Variants in ABCF1 observed in about 807,000 individuals in gnomAD.
ABCF1 encodes ATP binding cassette subfamily F member 1.
Under a neutral mutation model 126.3 loss-of-function variants are expected in ABCF1, and 73 were observed. The observed-to-expected ratio is 0.58, with a 90% confidence interval of 0.48 to 0.70. The LOEUF (loss-of-function observed/expected upper bound fraction) is 0.70, where lower values mean the gene tolerates loss of function less well. ABCF1 is among the 30% of genes least tolerant of loss of function. ABCF1 has a pLI of 0.00. For missense variants in ABCF1, 786 were observed against 1,057.5 expected, an observed-to-expected ratio of 0.74 and a Z score of 3.56; for synonymous variants, 345 against 396.4, an observed-to-expected ratio of 0.87 and a Z score of 1.54.
intron 6 of ABCF1, among the ~76,000 whole-genome samples, 183 bp from the exon 7 acceptor site, chr6:30,579,748 G>A (rs1801707630): frequency 6.6e-6 from 1 of 152,086 alleles, no homozygotes; most frequent in South Asian, 2.1e-4. Context: ...GAGCCACCAC[G>A]CCCGGCCAAG....
intron 7 of ABCF1, 33 bp from the exon 8 acceptor site, chr6:30,580,373 A>C (rs1428608260): frequency 1.4e-6 from 2 of 1,384,052 alleles, no homozygotes; most frequent in Non-Finnish European, 1.9e-6. Flanking sequence ...AAAAAAAAAA[A>C]ACATTTCATC....
In ABCF1 at chr6:30,585,269, C is replaced by T. The variant is rs777892705; in HGVS notation, c.1401C>T (p.Phe467=). The T allele has an allele frequency of 6.2e-7, 1 of 1,613,258 alleles. No homozygotes were observed. Among genetic ancestry groups the T allele is most frequent in the South Asian group, 1.1e-5 (1 of 91,066 alleles). ...GCTACCCACCCTCTAGGGCACTGTT[C>T]ATGGAGCCCACACTGCTGATGCTGG... is the stretch of plus-strand genomic sequence containing the variant. ...RMRVSLARAL[F]MEPTLLMLDE... Residue 467 remains phenylalanine (F), a synonymous_variant, in exon 15 of 25, where the codon TTC becomes TTT. Transcript: ENST00000326195.
Position 30,585,288 on chromosome 6 carries a change from A to T in ABCF1, c.1420A>T (p.Met474Leu), listed in dbSNP as rs776067726. 2.5e-6 allele frequency: 4 copies of T among 1,613,024 alleles called. No homozygotes were observed. The African/African-American group carries it at 5.3e-5, about 22-fold the overall frequency. ...ACTGTTCATGGAGCCCACACTGCTG[A>T]TGCTGGATGAGCCCACCAACCACCT... is the stretch of plus-strand genomic sequence containing the variant. ...RALFMEPTLL[M>L]LDEPTNHLDL... Residue 474 changes from methionine (M) to leucine (L), a missense_variant, in exon 15 of 25, where the codon ATG (methionine) becomes TTG (leucine). By Grantham distance (15) the Met-to-Leu change is conservative. Around this residue, in one of 4 missense-constraint regions of ABCF1, gnomAD observed 13 missense variants for 55.8 expected, o/e 0.23. Transcript: ENST00000326195.
rs1802422487 is a variant in ABCF1, at chr6:30,590,953, CAA to C, written c.*253_*254del. 4 of 442,944 alleles carry C rather than the reference CAA, an allele frequency of 9.0e-6. No homozygotes were observed. Among genetic ancestry groups the C allele is most frequent in the Non-Finnish European group, 1.6e-5 (4 of 253,820 alleles). The allele number at this position is 442,944 out of a possible 1,614,324, so 27.4% of individuals were successfully genotyped here. ...TATCCTTGGCATCCCCCTAAACAAA[CAA>C]GAGGTGACCACCTTATTGTGAGGTT... On this transcript the variant is annotated 3_prime_UTR_variant, in exon 25 of 25. Coordinates refer to ENST00000326195, the MANE Select transcript of ABCF1 (RefSeq NM_001025091.2).
chr6:30,584,331 G>T lies in ABCF1; in HGVS notation c.1242G>T (p.Lys414Asn). ...ACACAGCTGCTGAGAGGCTAGAGAA[G>T]GTAGAGGAGATGGCGCAGGGGACAC... ...GDDTAAERLE[K>N]VYEELRATGA... Residue 414 changes from lysine to asparagine, a missense_variant and splice_region_variant, in exon 13 of 25, where the codon AAG becomes AAT. By Grantham distance (94) the Lys-to-Asn change is moderately conservative. Around this residue, in one of 4 missense-constraint regions of ABCF1, gnomAD observed 163 missense variants for 255.3 expected, o/e 0.64. Coordinates refer to ENST00000326195, the MANE Select transcript of ABCF1 (RefSeq NM_001025091.2). This position sits in a 1 kb window ranked among gnomAD's most constrained non-coding sequence, Gnocchi z 4.6. 1 of 1,613,146 alleles carries T rather than the reference G, an allele frequency of 6.2e-7. No homozygotes were observed. Among genetic ancestry groups the T allele is most frequent in the Non-Finnish European group, 8.5e-7 (1 of 1,180,030 alleles).
At chr6:30,575,752 C>T (rs2127404430) in intron 1 of ABCF1, among the ~76,000 whole-genome samples, 1 of 152,108 alleles carries the variant, frequency 6.6e-6, no homozygotes, top group South Asian at 2.1e-4. Flanking sequence ...ACTCTATTTA[C>T]ATGGCCTATA....
rs1200261305 is a variant in ABCF1 at position 30,583,073 on chromosome 6, A to T, written c.800A>T (p.Tyr267Phe). The T allele has an allele frequency of 6.2e-7, 1 of 1,608,356 alleles. No individual in the cohort carries two copies. The highest frequency in any genetic ancestry group is 1.3e-5 in the African/African-American group (1 of 74,968). Reference protein sequence around the residue: ...EKKKLKKQMEYERQVASLKAA... With the variant: ...EKKKLKKQMEFERQVASLKAA... ...TTTTTCCTACCTTCTCAGATGGAGT[A>T]TGAGCGCCAAGTGGCTTCATTAAAA... Residue 267 changes from tyrosine (Y) to phenylalanine (F), a missense_variant, in exon 10 of 25, where the codon TAT becomes TTT. This residue lies in a region of ABCF1 where 322 missense variants were observed against 322.9 expected (regional missense o/e 1.00). Coordinates refer to ENST00000326195, the MANE Select transcript of ABCF1 (RefSeq NM_001025091.2). This position sits in a 1 kb window ranked among gnomAD's most constrained non-coding sequence, Gnocchi z 4.1.
At chr6:30,576,918 A>G (rs1014282252) in intron 1 of ABCF1, among the ~76,000 whole-genome samples, 2 of 152,182 alleles carry the variant, frequency 1.3e-5, no homozygotes, top group Non-Finnish European at 2.9e-5. Context: ...GCCTGTGCAC[A>G]GCACTGGAAT....
chr6:30,590,580 A>G lies in ABCF1; in HGVS notation c.2417A>G (p.Asn806Ser), dbSNP rs771536397. ...GATGCCCGACTCATCACAGAAACCA[A>G]TTGCCAGCTGTGGGTGGTGGAGGAG... Reference protein sequence around the residue: ...SHDARLITETNCQLWVVEEQS... With the variant: ...SHDARLITETSCQLWVVEEQS... Residue 806 changes from asparagine to serine, a missense_variant, in exon 25 of 25, where the codon AAT becomes AGT. Transcript: ENST00000326195. 4.3e-6 allele frequency: 7 copies of G among 1,612,902 alleles called. No homozygotes were observed. The highest frequency in any genetic ancestry group is 4.5e-5 in the East Asian group (2 of 44,876).
At chr6:30,585,118 C>T (rs772237295) in intron 14 of ABCF1, 142 bp from the exon 15 acceptor site, 28 of 757,470 alleles carry the variant, frequency 3.7e-5, no homozygotes, top group South Asian at 2.5e-4. Flanking sequence ...AAAATTAAAC[C>T]GTATCCTGCC....
Position 30,572,163 on chromosome 6 carries a change from CATG to C in ABCF1, c.73+605_73+607del, listed in dbSNP as rs992001268. Among the ~76,000 whole-genome samples, 177 of 151,696 alleles carry C rather than the reference CATG, an allele frequency of 1.2e-3. 1 individual carries two copies. The highest frequency in any genetic ancestry group is 8.6e-3 in the Admixed American group (132 of 15,268). On this transcript the variant is annotated intron_variant, in intron 1 of 24. Coordinates refer to ENST00000326195, the MANE Select transcript of ABCF1 (RefSeq NM_001025091.2). The stretch of plus-strand genomic sequence containing the variant: ...TGCTTTGAGAGGGGAAGGAAAAAAA[CATG>C]AAGATATCCTCCCAGGGTTGAAGTC...
intron 16 of ABCF1, 28 bp downstream of exon 16, chr6:30,585,710 G>T (rs1802082365): frequency 6.2e-7 from 1 of 1,610,792 alleles, no homozygotes; most frequent in Non-Finnish European, 8.5e-7. Context: ...TGGATGCAGG[G>T]AAGAGATAGA....
intron 1 of ABCF1, among the ~76,000 whole-genome samples, chr6:30,573,946 G>A (rs1409061659): frequency 2.0e-5 from 3 of 152,158 alleles, no homozygotes; most frequent in African/African-American, 7.2e-5. Flanking sequence ...GGTAAAGAAG[G>A]CTTGCTTTCT....
Position 30,584,323 on chromosome 6 carries a change from C to A in ABCF1, c.1234C>A (p.Leu412Ile). 1 of 1,613,096 alleles carries A rather than the reference C, an allele frequency of 6.2e-7. No homozygotes were observed. The highest frequency in any genetic ancestry group is 8.5e-7 in the Non-Finnish European group (1 of 1,180,014). Residue 412 changes from leucine to isoleucine, a missense_variant, in exon 13 of 25, where the codon CTA (leucine) becomes ATA (isoleucine). Leu to Ile is a conservative substitution (Grantham distance 5). Coordinates refer to ENST00000326195, the MANE Select transcript of ABCF1 (RefSeq NM_001025091.2). The surrounding 1 kb of genome is among the most constrained non-coding windows in gnomAD (Gnocchi z 4.6). ...EQGDDTAAERLEKVYEELRAT... is the reference protein window; with the variant it reads ...EQGDDTAAERIEKVYEELRAT... ...AGGGGATGACACAGCTGCTGAGAGG[C>A]TAGAGAAGGTAGAGGAGATGGCGCA...
intron 6 of ABCF1, among the ~76,000 whole-genome samples, chr6:30,579,213 C>G (rs1801674460): frequency 6.6e-6 from 1 of 152,128 alleles, no homozygotes; most frequent in Non-Finnish European, 1.5e-5. Flanking sequence ...ACTTGCCTGA[C>G]TTATAATCCT....
rs1275859172 is a variant in ABCF1 at position 30,583,393 on chromosome 6, G to A, written c.915+205G>A. Among the ~76,000 whole-genome samples the A allele has an allele frequency of 6.6e-6, 1 of 152,226 alleles. No individual in the cohort carries two copies. Among genetic ancestry groups the A allele is most frequent in the African/African-American group, 2.4e-5 (1 of 41,450 alleles). ...GGGTCCACCCTTGGCAGAAAATAGT[G>A]TGGGACAGACTAGACTAGCTGAGGA... is the stretch of plus-strand genomic sequence containing the variant. On this transcript the variant is annotated intron_variant, in intron 10 of 24. Transcript: ENST00000326195. The surrounding 1 kb of genome is among the most constrained non-coding windows in gnomAD (Gnocchi z 4.1).
chr6:30,582,055 TTTTTGTTG>T (rs1202508179), intron 8 of ABCF1, among the ~76,000 whole-genome samples: 7 of 151,064 alleles, frequency 4.6e-5, no homozygotes, highest in Non-Finnish European at 1.0e-4. Flanking sequence ...CCCTAGTTTT[TTTTTGTTG>T]TTTTTTTTTT....
At chr6:30,578,038 TG>T in intron 3 of ABCF1, 37 bp from the exon 4 acceptor site, 1 of 1,613,866 alleles carries the variant, frequency 6.2e-7, no homozygotes. Context: ...AGCAGGGGCC[TG>T]GGCTTCATTT....
At chr6:30,575,949 C>G (rs1297144113) in intron 1 of ABCF1, among the ~76,000 whole-genome samples, 1 of 151,916 alleles carries the variant, frequency 6.6e-6, no homozygotes, top group Non-Finnish European at 1.5e-5. Context: ...TGGCGCTTGC[C>G]TGTAGTCCTA....
Sources: allele counts gnomAD v4.1 joint callset (sites outside exome capture counted in the v4.1 genomes callset), GRCh38; gene constraint gnomAD v4.1.1; regional missense constraint gnomAD v4.1.1; non-coding constraint Gnocchi (gnomAD v3.1); transcripts MANE v1.5; gene names NCBI Gene and HGNC (gene_info 2026-07-23, HGNC 2026-07-21).